The following ANKS1B variants were observed in gnomAD, a reference collection of about 807,000 sequenced individuals.
ANKS1B encodes the protein ankyrin repeat and sterile alpha motif domain containing 1B.
In ANKS1B, 36 loss-of-function variants were observed where a neutral mutation model predicts 148.3. That is an observed-to-expected ratio of 0.24 (90% CI 0.19 to 0.32). The LOEUF (loss-of-function observed/expected upper bound fraction) is 0.32. Ranked by LOEUF, ANKS1B falls within the 10% of genes least tolerant of loss-of-function variation. ANKS1B has a pLI of 1.00. For missense variants in ANKS1B, 1,157 were observed against 1,542.6 expected (o/e 0.75, Z 4.19); for synonymous variants, 542 against 560.8 (o/e 0.97, Z 0.47).
At chr12:98,739,303 G>C (rs574779201), downstream of ANKS1B, among the ~76,000 whole-genome samples, 25 of 152,350 alleles carry the variant, frequency 1.6e-4, no homozygotes, top group African/African-American at 5.8e-4. Flanking sequence ...ATCAGATGCT[G>C]TCTGCTCCCA....
At chr12:98,843,265 C>T (rs1403475762) in intron 17 of ANKS1B, among the ~76,000 whole-genome samples, 1 of 152,226 alleles carries the variant, frequency 6.6e-6, no homozygotes, top group Admixed American at 6.5e-5. Flanking sequence ...ATGCCATTCT[C>T]TCAGGAGTGA....
At chr12:99,406,180 G>T (rs1022825479) in intron 11 of ANKS1B, among the ~76,000 whole-genome samples, 2 of 144,840 alleles carry the variant, frequency 1.4e-5, no homozygotes, top group African/African-American at 5.2e-5. Context: ...GGCTTAATAG[G>T]TATCTACAGA....
At chr12:99,302,241 CA>C in intron 12 of ANKS1B, among the ~76,000 whole-genome samples, 1 of 152,132 alleles carries the variant, frequency 6.6e-6, no homozygotes, top group East Asian at 1.9e-4. Context: ...AATTGATTTA[CA>C]GGGGAATTTT....
intron 17 of ANKS1B, among the ~76,000 whole-genome samples, chr12:98,955,996 G>A (rs1161161433): frequency 1.3e-5 from 2 of 152,170 alleles, no homozygotes; most frequent in Admixed American, 1.3e-4. Flanking sequence ...AGACTCTTCT[G>A]ACCAAGGCCC....
At chr12:99,530,294 T>C (rs1055834987) in intron 9 of ANKS1B, among the ~76,000 whole-genome samples, 32 of 152,192 alleles carry the variant, frequency 2.1e-4, no homozygotes, top group African/African-American at 7.7e-4. Context: ...TAGAACTACA[T>C]AGACTGGCAT....
intron 9 of ANKS1B, among the ~76,000 whole-genome samples, chr12:99,598,076 C>T (rs1359531858): frequency 6.6e-6 from 1 of 152,052 alleles, no homozygotes; most frequent in Non-Finnish European, 1.5e-5. Context: ...GAATTACCAT[C>T]TGAGTCTTGT....
downstream of ANKS1B, among the ~76,000 whole-genome samples, chr12:98,739,141 C>A (rs539261179): frequency 6.6e-6 from 1 of 152,214 alleles, no homozygotes; most frequent in East Asian, 1.9e-4. Context: ...TTCTGGTCCA[C>A]GGCCTTCTGT....
At chr12:98,836,972 C>T (rs1167520190) in intron 17 of ANKS1B, among the ~76,000 whole-genome samples, 1 of 152,084 alleles carries the variant, frequency 6.6e-6, no homozygotes, top group African/African-American at 2.4e-5. Flanking sequence ...ACACCATTAA[C>T]TAAGAAAAAT....
At chr12:99,623,144 CA>C in intron 9 of ANKS1B, among the ~76,000 whole-genome samples, 1 of 151,882 alleles carries the variant, frequency 6.6e-6, no homozygotes, top group South Asian at 2.1e-4. Context: ...GAATTAAAGA[CA>C]AAAACCATAT....
At chr12:99,299,879 C>T (rs952966315) in intron 12 of ANKS1B, among the ~76,000 whole-genome samples, 4 of 152,106 alleles carry the variant, frequency 2.6e-5, no homozygotes, top group Non-Finnish European at 4.4e-5. Context: ...TAAACACTTG[C>T]TTTAATGATT....
At chr12:99,476,167 C>G (rs1351005420) in intron 10 of ANKS1B, among the ~76,000 whole-genome samples, 1 of 152,056 alleles carries the variant, frequency 6.6e-6, no homozygotes, top group Non-Finnish European at 1.5e-5. Context: ...CTGAGGCAAG[C>G]GGATTACTTG....
intron 4 of ANKS1B, among the ~76,000 whole-genome samples, chr12:99,787,540 A>G (rs1213531758): frequency 6.6e-6 from 1 of 152,228 alleles, no homozygotes; most frequent in East Asian, 1.9e-4. Context: ...AATAAAAAGA[A>G]TAAGAGATGA....
At chr12:99,461,968 A>G (rs1465220343) in intron 10 of ANKS1B, among the ~76,000 whole-genome samples, 1 of 152,158 alleles carries the variant, frequency 6.6e-6, no homozygotes, top group Non-Finnish European at 1.5e-5. Flanking sequence ...TTATCCATCT[A>G]GTTTCATCCA....
At chr12:99,465,538 C>T (rs1447022118) in intron 10 of ANKS1B, among the ~76,000 whole-genome samples, 4 of 151,982 alleles carry the variant, frequency 2.6e-5, no homozygotes, top group Admixed American at 6.5e-5. Flanking sequence ...GTGCTGTATT[C>T]AGGAAACCCA....
chr12:99,609,036 C>CA, intron 9 of ANKS1B, among the ~76,000 whole-genome samples: 1 of 152,004 alleles, frequency 6.6e-6, no homozygotes, highest in Non-Finnish European at 1.5e-5. Flanking sequence ...TTGTCCTCAA[C>CA]AAAAATCACA....
At chr12:99,956,363 T>A (rs1463410453) in intron 1 of ANKS1B, among the ~76,000 whole-genome samples, 1 of 151,038 alleles carries the variant, frequency 6.6e-6, no homozygotes, top group Non-Finnish European at 1.5e-5. Context: ...ATCAAACAAG[T>A]AAATTTTTTC....
intron 14 of ANKS1B, among the ~76,000 whole-genome samples, chr12:99,215,718 G>T (rs1348700605): frequency 2.6e-5 from 4 of 152,204 alleles, no homozygotes; most frequent in Non-Finnish European, 5.9e-5. Context: ...TTTGGAACAG[G>T]TGTATTTACC....
intron 19 of ANKS1B, among the ~76,000 whole-genome samples, chr12:98,827,204 T>C (rs978268205): frequency 2.0e-5 from 3 of 152,176 alleles, no homozygotes; most frequent in African/African-American, 7.2e-5. Context: ...AATCCCTTTT[T>C]CTCATTGATC....
intron 21 of ANKS1B, among the ~76,000 whole-genome samples, chr12:98,800,639 A>G (rs2098994319): frequency 7.4e-6 from 1 of 135,698 alleles, no homozygotes; most frequent in Non-Finnish European, 1.6e-5. Context: ...TGGCAGACCC[A>G]GTGTTTTGAG....
Sources: allele counts gnomAD v4.1 joint callset (sites outside exome capture counted in the v4.1 genomes callset), GRCh38; gene constraint gnomAD v4.1.1; transcripts MANE v1.5; gene names NCBI Gene and HGNC (gene_info 2026-07-23, HGNC 2026-07-21).